The following KRT82 variants were observed in gnomAD, a reference collection of about 807,000 sequenced individuals.
The protein encoded by KRT82 is keratin 82.
KRT82 carries 44 observed loss-of-function variants against 48.0 expected under a neutral mutation model. The ratio of observed to expected loss-of-function variants is 0.92; its 90% confidence interval spans 0.72 to 1.18. The LOEUF is 1.18. Among genes scored for constraint, KRT82 ranks in the 50% most tolerant of loss-of-function variants. KRT82 has a pLI of 0.00. For missense variants in KRT82, 701 were observed against 671.4 expected, an observed-to-expected ratio of 1.04 and a Z score of -0.49; for synonymous variants, 297 against 278.3, an observed-to-expected ratio of 1.07 and a Z score of -0.67.
chr12:52,400,147 C>T lies in KRT82; in HGVS notation c.780G>A (p.Glu260=), dbSNP rs1315596455. 6.2e-7 allele frequency: 1 copy of T among 1,612,374 alleles called. No homozygotes were observed. Among genetic ancestry groups the T allele is most frequent in the East Asian group, 2.2e-5 (1 of 44,846 alleles). Residue 260 remains glutamate (E), a splice_region_variant and synonymous_variant, in exon 5 of 9, where the codon GAG becomes GAA. Coordinates refer to ENST00000257974, the MANE Select transcript of KRT82 (RefSeq NM_033033.4). ...AGATCTGAGACTGGAGCAGGCAGAT[C>T]TCCTGGGGGCAGGGCCCATGTGAGA... The part of the protein sequence containing the change: ...IDFLKSLYEE[E]ICLLQSQISE...
At chr12:52,395,330 C>T (rs1216997623) in intron 8 of KRT82, 135 bp from the exon 9 acceptor site, 19 of 699,260 alleles carry the variant, frequency 2.7e-5, no homozygotes, top group Non-Finnish European at 4.5e-5. Context: ...CAGCCTCCAG[C>T]CTCCGCGTCT....
rs1939763798 is a variant in KRT82, at chr12:52,399,968, C to T, written c.942+17G>A. The stretch of plus-strand genomic sequence containing the variant: ...GTCACCTCTCCAGTCTCCCTGCCCC[C>T]AACCACAGGGCCTCACCCGGCACTG... On this transcript the variant is annotated intron_variant, in intron 5 of 8. Coordinates refer to ENST00000257974, the MANE Select transcript of KRT82 (RefSeq NM_033033.4). The T allele has an allele frequency of 1.2e-6, 2 of 1,608,938 alleles. No individual in the cohort carries two copies. The highest frequency in any genetic ancestry group is 1.7e-6 in the Non-Finnish European group (2 of 1,175,938).
At chr12:52,398,899 G>T (rs938904992) in intron 5 of KRT82, among the ~76,000 whole-genome samples, 4 of 152,086 alleles carry the variant, frequency 2.6e-5, no homozygotes, top group African/African-American at 9.7e-5. Context: ...TGGCACTCCA[G>T]GCCCCTCAAT....
rs1025241549 is a variant in KRT82, at chr12:52,406,047, G to A, written c.231C>T (p.Gly77=). The A allele has an allele frequency of 1.9e-6, 3 of 1,614,128 alleles. 1 individual carries two copies. The highest frequency in any genetic ancestry group is 2.5e-6 in the Non-Finnish European group (3 of 1,180,018). The stretch of plus-strand genomic sequence containing the variant: ...AGGTGGCTCCCAGTCGGTACCCGAA[G>A]CCAGGCAGGGTACCTCCACACCTGG... The part of the protein sequence containing the change: ...VASRCGGTLP[G]FGYRLGATCG... The change falls in exon 1 of 9, where the codon GGC becomes GGT. Residue 77 remains glycine, a synonymous_variant. Coordinates refer to ENST00000257974, the MANE Select transcript of KRT82 (RefSeq NM_033033.4).
intron 4 of KRT82, 123 bp downstream of exon 4, chr12:52,400,404 T>C: frequency 1.3e-6 from 1 of 783,044 alleles, no homozygotes; most frequent in Non-Finnish European, 2.1e-6. Flanking sequence ...TGAGAACGTC[T>C]CTACAGTGCG....
chr12:52,400,155 G>A lies in KRT82; in HGVS notation c.778-6C>T, dbSNP rs1470083203. ...GACTGGAGCAGGCAGATCTCCTGGG[G>A]GCAGGGCCCATGTGAGAAGGAGTGA... is the stretch of plus-strand genomic sequence containing the variant. On this transcript the variant is annotated splice_region_variant and splice_polypyrimidine_tract_variant and intron_variant, in intron 4 of 8. Transcript: ENST00000257974. The A allele has an allele frequency of 2.5e-6, 4 of 1,611,324 alleles. No homozygotes were observed. The South Asian group carries it at 4.4e-5, about 18-fold the overall frequency.
chr12:52,403,669 C>A, intron 2 of KRT82, 32 bp downstream of exon 2: 2 of 1,352,592 alleles, frequency 1.5e-6, no homozygotes, highest in South Asian at 1.2e-5. Context: ...TGCCCCAGGT[C>A]CACCAGTGGG....
At position 52,396,109 on chromosome 12, in the gene KRT82, A is replaced by G. The variant is rs1430290373; in HGVS notation, c.1192T>C (p.Cys398Arg). The G allele has an allele frequency of 6.2e-7, 1 of 1,614,096 alleles. No homozygotes were observed. The highest frequency in any genetic ancestry group is 8.5e-7 in the Non-Finnish European group (1 of 1,180,046). The change falls in exon 7 of 9, where the codon TGC becomes CGC. Residue 398 changes from cysteine to arginine, a missense_variant. By Grantham distance (180) the Cys-to-Arg change is radical (BLOSUM62 -3). Transcript: ENST00000257974. ...ACCTCCTGATATTCCTTGAGCAGGC[A>G]GGCCATGTCCTGCTTGGCCTTCTGC... ...ALQKAKQDMA[C>R]LLKEYQEVMN... is the part of the protein sequence containing the mutation.
chr12:52,404,420 C>T (rs1939826761), intron 1 of KRT82, among the ~76,000 whole-genome samples: 1 of 152,192 alleles, frequency 6.6e-6, no homozygotes, highest in South Asian at 2.1e-4. Context: ...CTCTTTTCAC[C>T]TACTGTGCTG....
In KRT82 at chr12:52,400,554, G is replaced by A. The variant is rs369444966; in HGVS notation, c.750C>T (p.Ile250=). The change falls in exon 4 of 9, where the codon ATC becomes ATT. Residue 250 remains isoleucine (I), a synonymous_variant. Transcript: ENST00000257974. ...ETNAEALVQE[I]DFLKSLYEEE... is the part of the protein sequence containing the mutation. Reference sequence around the variant, plus strand: ...CCTCATACAGGCTTTTCAGGAAGTCGATCTCCTGCACGAGTGCCTCTGCGT... The same window carrying A: ...CCTCATACAGGCTTTTCAGGAAGTCAATCTCCTGCACGAGTGCCTCTGCGT... 1.0e-4 allele frequency: 165 copies of A among 1,613,858 alleles called. No individual in the cohort carries two copies. Among genetic ancestry groups the A allele is most frequent in the Non-Finnish European group, 1.3e-4 (151 of 1,179,876 alleles).
At position 52,403,835 on chromosome 12, in the gene KRT82, C is replaced by T; in HGVS notation, c.486G>A (p.Gln162=). The change falls in exon 2 of 9, where the codon CAG becomes CAA. Residue 162 remains glutamine, a synonymous_variant. Transcript: ENST00000257974. ...CCTCGAAGATGGGCTCGATGTTGGTCTGGCAGCACCTCTGCTGCTGCATGA... is the reference window on the plus strand; with the variant it reads ...CCTCGAAGATGGGCTCGATGTTGGTTTGGCAGCACCTCTGCTGCTGCATGA... ...WNFMQQQRCC[Q]TNIEPIFEGY... The T allele has an allele frequency of 1.2e-6, 2 of 1,613,956 alleles. No individual in the cohort carries two copies. The highest frequency in any genetic ancestry group is 1.7e-6 in the Non-Finnish European group (2 of 1,180,020).
intron 8 of KRT82, among the ~76,000 whole-genome samples, 161 bp from the exon 9 acceptor site, chr12:52,395,356 T>C (rs2701136): frequency 0.42 from 63,367 of 151,930 alleles, 13,967 homozygotes; most frequent in Non-Finnish European, 0.49. Flanking sequence ...CCTAGCCACA[T>C]AAAGTGCTTG....
chr12:52,394,814 C>A lies in KRT82; in HGVS notation c.*161G>T. ...GTGACTCATGAGGCAAAGGAGGGGTCCTAGGGGCAGCTCAGCTCTCAAGGA... is the reference window on the plus strand; with the variant it reads ...GTGACTCATGAGGCAAAGGAGGGGTACTAGGGGCAGCTCAGCTCTCAAGGA... On this transcript the variant is annotated 3_prime_UTR_variant, in exon 9 of 9. Coordinates refer to ENST00000257974, the MANE Select transcript of KRT82 (RefSeq NM_033033.4). 1 of 656,394 alleles carries A rather than the reference C, an allele frequency of 1.5e-6. No individual in the cohort carries two copies. Among genetic ancestry groups the A allele is most frequent in the Non-Finnish European group, 2.7e-6 (1 of 373,604 alleles). 40.7% of individuals were successfully genotyped at this position (656,394 alleles called of 1,614,324 possible).
intron 5 of KRT82, among the ~76,000 whole-genome samples, chr12:52,397,658 A>G (rs1565781464): frequency 6.6e-6 from 1 of 152,222 alleles, no homozygotes; most frequent in Non-Finnish European, 1.5e-5. Context: ...AAAATGAGAG[A>G]TAAGCACATA....
At position 52,396,016 on chromosome 12, in the gene KRT82, G is replaced by C. The variant is rs1426299084; in HGVS notation, c.1285C>G (p.His429Asp). Residue 429 changes from histidine (H) to aspartate (D), a missense_variant, in exon 7 of 9, where the codon CAC becomes GAC. His to Asp is a moderately conservative substitution (Grantham distance 81). Transcript: ENST00000257974. ...TYRRLLEGEEHRLCEGIGPVN... is the reference protein window; with the variant it reads ...TYRRLLEGEEDRLCEGIGPVN... ...CCCCCTCCTGGAGGAGCTCACCTGT[G>C]CTCTTCACCCTCCAGCAGGCGCCTG... The C allele has an allele frequency of 1.2e-6, 2 of 1,613,860 alleles. No homozygotes were observed. The highest frequency in any genetic ancestry group is 1.7e-6 in the Non-Finnish European group (2 of 1,180,036).
In KRT82 at chr12:52,397,280, C is replaced by CAGA. The variant is rs1216935588; in HGVS notation, c.943-273_943-272insTCT. On this transcript the variant is annotated intron_variant, in intron 5 of 8. Coordinates refer to ENST00000257974, the MANE Select transcript of KRT82 (RefSeq NM_033033.4). ...AGATCCCCTCCTCTGTTGAGCTGTTCTGTGTCTGGTCCTTTTCTCTGTCCC... is the reference window on the plus strand; with the variant it reads ...AGATCCCCTCCTCTGTTGAGCTGTTCAGATGTGTCTGGTCCTTTTCTCTGTCCC... 4.3e-4 allele frequency among the ~76,000 whole-genome samples: 66 copies of CAGA among 152,294 alleles called. 1 individual carries two copies. Among genetic ancestry groups the CAGA allele is most frequent in the African/African-American group, 1.4e-3 (57 of 41,560 alleles).
In KRT82 at chr12:52,394,894, T is replaced by A. The variant is rs556953950; in HGVS notation, c.*81A>T. 1.8e-4 allele frequency: 225 copies of A among 1,232,178 alleles called. No homozygotes were observed. In the African/African-American group the frequency reaches 2.9e-3, roughly 16 times the overall value. 76.3% of individuals were successfully genotyped at this position (1,232,178 alleles called of 1,614,324 possible). Reference sequence around the variant, plus strand: ...TAAAGGGAGGTGGGGTTTTGGAACATCCTTGTCTTCAGCCCTGGTGGGAGT... The same window carrying A: ...TAAAGGGAGGTGGGGTTTTGGAACAACCTTGTCTTCAGCCCTGGTGGGAGT... On this transcript the variant is annotated 3_prime_UTR_variant, in exon 9 of 9. Coordinates refer to ENST00000257974, the MANE Select transcript of KRT82 (RefSeq NM_033033.4).
rs773729728 is a variant in KRT82, at chr12:52,395,212, G to A, written c.1322-17C>T. 1.2e-5 allele frequency: 19 copies of A among 1,606,908 alleles called. No individual in the cohort carries two copies. The East Asian group carries it at 4.0e-4, about 34-fold the overall frequency. On this transcript the variant is annotated splice_polypyrimidine_tract_variant and intron_variant, in intron 8 of 8. Transcript: ENST00000257974. ...TGCTCACTGCTGTGGGAACAGGAAG[G>A]GGTGCTCAGGGCCCCACACGGTGTG...
chr12:52,403,655 C>T, intron 2 of KRT82, 46 bp downstream of exon 2: 2 of 1,210,664 alleles, frequency 1.7e-6, no homozygotes, highest in South Asian at 2.5e-5. Flanking sequence ...CTGTTTCTGT[C>T]CCTTGCCCCA....
Sources: gnomAD v4.1 joint callset for allele counts (sites outside exome capture counted in the v4.1 genomes callset) on GRCh38, gnomAD v4.1.1 for gene constraint, MANE v1.5 for transcripts, NCBI Gene and HGNC (gene_info 2026-07-23, HGNC 2026-07-21) for gene names.